Variants in ENOSF1 observed in about 807,000 individuals in gnomAD.
ENOSF1 encodes mitochondrial enolase superfamily member 1.
Under a neutral mutation model 68.2 loss-of-function variants are expected in ENOSF1, and 73 were observed. That is an observed-to-expected ratio of 1.07 (90% confidence interval 0.89 to 1.30). The LOEUF (loss-of-function observed/expected upper bound fraction) is 1.30, where lower values mean the gene tolerates loss of function less well. Among genes scored for constraint, ENOSF1 ranks in the 50% most tolerant of loss-of-function variants. The pLI is 0.00. For synonymous variants in ENOSF1, 223 were observed against 210.4 expected (o/e 1.06, Z -0.52); for missense variants, 589 against 554.5 (o/e 1.06, Z -0.62).
chr18:694,980 C>T (rs1300684648), intron 3 of ENOSF1, among the ~76,000 whole-genome samples: 3 of 152,054 alleles, frequency 2.0e-5, no homozygotes, highest in Non-Finnish European at 2.9e-5. Context: ...CTTACATAAC[C>T]GTAGTACAAT....
intron 5 of ENOSF1, chr18:693,315 A>G: frequency 8.1e-7 from 1 of 1,232,068 alleles, no homozygotes; most frequent in Non-Finnish European, 1.0e-6. Flanking sequence ...GTGACTGGAT[A>G]GTATCTTTTC....
chr18:680,254 CAGA>C (rs1280850426), intron 11 of ENOSF1, among the ~76,000 whole-genome samples: 1 of 152,218 alleles, frequency 6.6e-6, no homozygotes, highest in African/African-American at 2.4e-5. Flanking sequence ...TCCTCATCTG[CAGA>C]AGGCCTTAGT....
At chr18:669,130 C>G (rs1296735999), downstream of ENOSF1, 1 of 1,614,162 alleles carries the variant, frequency 6.2e-7, no homozygotes, top group Non-Finnish European at 8.5e-7. Context: ...TCAAAACCAA[C>G]CCTGACGACA....
chr18:690,482 G>A, intron 8 of ENOSF1, 67 bp downstream of exon 8: 1 of 1,565,730 alleles, frequency 6.4e-7, no homozygotes, highest in Non-Finnish European at 8.8e-7. Flanking sequence ...GTGGTATGAG[G>A]ACAGAAGGAA....
chr18:678,715 C>A lies in ENOSF1; in HGVS notation c.899G>T (p.Gly300Val). 4.3e-6 allele frequency: 7 copies of A among 1,614,138 alleles called. No homozygotes were observed. Among genetic ancestry groups the A allele is most frequent in the Non-Finnish European group, 5.9e-6 (7 of 1,180,030 alleles). ...ISKALVPLGI[G>V]IATGEQCHNR... is the part of the protein sequence containing the mutation. ...ACTCACCTGTTCTCCTGTGGCAATG[C>A]CAATTCCTAATGGGACCAGTGCCTA... Residue 300 changes from glycine (G) to valine (V), a missense_variant, in exon 12 of 16, where the codon GGC (glycine) becomes GTC (valine). Gly to Val is a moderately radical substitution (Grantham distance 109). Coordinates refer to ENST00000647584, the MANE Select transcript of ENOSF1 (RefSeq NM_017512.7).
At chr18:691,480 G>A (rs770358273) in intron 5 of ENOSF1, 1 of 541,546 alleles carries the variant, frequency 1.8e-6, no homozygotes, top group Non-Finnish European at 3.3e-6. Flanking sequence ...TGAGTAGCTG[G>A]GACTCCAGGT....
chr18:706,664 C>CAATG (rs1478223604), intron 1 of ENOSF1, 86 bp from the exon 2 acceptor site: 6 of 1,001,836 alleles, frequency 6.0e-6, no homozygotes, highest in Middle Eastern at 2.1e-4. Context: ...TGAGGACAGA[C>CAATG]AATGCCACAG....
At chr18:690,728 T>TGTTTCCCCTGGAGAGTCCAGCG in intron 7 of ENOSF1, 97 bp from the exon 8 acceptor site, 1 of 1,553,958 alleles carries the variant, frequency 6.4e-7, no homozygotes, top group Non-Finnish European at 8.7e-7. Flanking sequence ...AGAGTCCAGC[T>TGTTTCCCCTGGAGAGTCCAGCG]GTTCTCCTGA....
chr18:664,435 T>G, the ENOSF1 span, among the ~76,000 whole-genome samples: 3 of 145,408 alleles, frequency 2.1e-5, no homozygotes, highest in Non-Finnish European at 4.5e-5. Context: ...AATGGGGTTT[T>G]CTAGATATAC....
intron 13 of ENOSF1, 133 bp downstream of exon 13, chr18:677,610 C>A (rs2075643690): frequency 1.5e-6 from 2 of 1,342,226 alleles, no homozygotes; most frequent in Non-Finnish European, 2.0e-6. Flanking sequence ...CGGATTAAAG[C>A]TAAATGAGAG....
At chr18:674,694 A>AT (rs1283844671) in intron 15 of ENOSF1, among the ~76,000 whole-genome samples, 5 of 151,996 alleles carry the variant, frequency 3.3e-5, no homozygotes, top group Non-Finnish European at 5.9e-5. Flanking sequence ...AATTTTTTGT[A>AT]TTTTTTGTAG....
At chr18:674,468 G>T in intron 15 of ENOSF1, 62 bp from the exon 16 acceptor site, 2 of 1,018,300 alleles carry the variant, frequency 2.0e-6, no homozygotes, top group Non-Finnish European at 1.5e-6. Context: ...CAGATTTTAT[G>T]CATTTATGCT....
chr18:702,003 C>T lies in ENOSF1; in HGVS notation c.193+4467G>A, dbSNP rs796808074. On this transcript the variant is annotated intron_variant, in intron 2 of 15. Transcript: ENST00000647584. ...CAGGCATGGTGGCTTATAGCTTATG[C>T]CTGCAATCCCGTCACTTTGGGAGGC... Among the ~76,000 whole-genome samples, 30 of 151,622 alleles carry T rather than the reference C, an allele frequency of 2.0e-4. 1 individual carries two copies. Among genetic ancestry groups the T allele is most frequent in the African/African-American group, 7.3e-4 (30 of 41,340 alleles).
intron 2 of ENOSF1, among the ~76,000 whole-genome samples, chr18:704,573 GC>G (rs1223805133): frequency 6.7e-6 from 1 of 150,282 alleles, no homozygotes; most frequent in African/African-American, 2.5e-5. Flanking sequence ...AAGTTCGTGT[GC>G]TCCTTGTATG....
intron 1 of ENOSF1, among the ~76,000 whole-genome samples, chr18:709,645 C>T (rs549135497): frequency 6.6e-6 from 1 of 152,078 alleles, no homozygotes; most frequent in Non-Finnish European, 1.5e-5. Context: ...GTGGTGCACA[C>T]CTGTAATCAC....
Position 690,473 on chromosome 18 carries a change from T to C in ENOSF1, c.618+76A>G, listed in dbSNP as rs1340372632. On this transcript the variant is annotated intron_variant, in intron 8 of 15. Coordinates refer to ENST00000647584, the MANE Select transcript of ENOSF1 (RefSeq NM_017512.7). ...GTCAGAAGTGAGGTACTGAGAGTAG[T>C]GGTATGAGGACAGAAGGAAAAACAG... The C allele has an allele frequency of 5.3e-6, 8 of 1,496,422 alleles. No individual in the cohort carries two copies. The East Asian group carries it at 1.1e-4, about 21-fold the overall frequency. The allele number at this position is 1,496,422 out of a possible 1,614,324, so 92.7% of individuals were successfully genotyped here. A position where few individuals can be genotyped will look rare whatever the true frequency, so the allele number is the denominator to read the frequency against.
Position 697,373 on chromosome 18 carries a change from A to G in ENOSF1, c.194-18T>C, listed in dbSNP as rs2077847293. On this transcript the variant is annotated intron_variant, in intron 2 of 15. Transcript: ENST00000647584. ...ACAGACAACTATTTAAAAAGGATTGAACTCTTGTTTATGCTTCTATACTAG... is the reference window on the plus strand; with the variant it reads ...ACAGACAACTATTTAAAAAGGATTGGACTCTTGTTTATGCTTCTATACTAG... The G allele has an allele frequency of 1.3e-6, 2 of 1,558,366 alleles. No homozygotes were observed. Among genetic ancestry groups the G allele is most frequent in the African/African-American group, 2.9e-5 (2 of 69,830 alleles).
chr18:691,331 TTTTG>T lies in ENOSF1; in HGVS notation c.424-59_424-56del, dbSNP rs1178827533. The T allele has an allele frequency of 1.2e-5, 17 of 1,457,296 alleles. 1 individual carries two copies. The highest frequency in any genetic ancestry group is 2.8e-5 in the African/African-American group (2 of 70,192). 90.3% of individuals were successfully genotyped at this position (1,457,296 alleles called of 1,614,324 possible). Reference sequence around the variant, plus strand: ...TGAATCAATTATAAGGTGGGTTATATTTTGTTTTTTAAAATTTATTATTCTTTTT... The same window carrying T: ...TGAATCAATTATAAGGTGGGTTATATTTTTTTAAAATTTATTATTCTTTTT... On this transcript the variant is annotated intron_variant, in intron 5 of 15. Transcript: ENST00000647584.
At chr18:676,218 C>T (rs567278080) in intron 14 of ENOSF1, among the ~76,000 whole-genome samples, 3 of 152,290 alleles carry the variant, frequency 2.0e-5, no homozygotes, top group African/African-American at 2.4e-5. Flanking sequence ...TGACTTCCAT[C>T]GCCTGTTATT....
Sources: allele counts gnomAD v4.1 joint callset (sites outside exome capture counted in the v4.1 genomes callset), GRCh38; gene constraint gnomAD v4.1.1; transcripts MANE v1.5; gene names NCBI Gene and HGNC (gene_info 2026-07-23, HGNC 2026-07-21).